The following PIP5K1B variants were observed in gnomAD, a reference collection of about 807,000 sequenced individuals.
PIP5K1B encodes phosphatidylinositol 4-phosphate 5-kinase type-1 beta.
A neutral mutation model predicts 67.0 loss-of-function variants in PIP5K1B; 42 were observed. The observed-to-expected ratio is 0.63, with a 90% CI of 0.49 to 0.81. The LOEUF is 0.81. PIP5K1B is among the 30% of genes least tolerant of loss of function. PIP5K1B has a pLI of 0.00. For missense variants in PIP5K1B, 459 were observed against 646.3 expected, an observed-to-expected ratio of 0.71 and a Z score of 3.14; for synonymous variants, 214 against 231.4, an observed-to-expected ratio of 0.92 and a Z score of 0.68.
chr9:68,966,340 G>T (rs2132788198), intron 14 of PIP5K1B, among the ~76,000 whole-genome samples: 1 of 152,264 alleles, frequency 6.6e-6, no homozygotes, highest in South Asian at 2.1e-4. Context: ...GGAGGTGGGG[G>T]TACCTTTGCA....
chr9:68,999,519 A>G (rs756402231), intron 15 of PIP5K1B, among the ~76,000 whole-genome samples: 1 of 152,248 alleles, frequency 6.6e-6, no homozygotes, highest in Non-Finnish European at 1.5e-5. Flanking sequence ...TGTTGGGGAC[A>G]TAATTTGTGT....
At chr9:68,858,540 G>A (rs747572673) in intron 4 of PIP5K1B, among the ~76,000 whole-genome samples, 2 of 152,174 alleles carry the variant, frequency 1.3e-5, no homozygotes, top group Non-Finnish European at 2.9e-5. Flanking sequence ...TATATCAGGC[G>A]TGGGAGTTGG....
intron 14 of PIP5K1B, among the ~76,000 whole-genome samples, chr9:68,968,064 G>C (rs771226365): frequency 6.6e-6 from 1 of 152,156 alleles, no homozygotes; most frequent in African/African-American, 2.4e-5. Flanking sequence ...CTCAGATCTG[G>C]CTCAGAATTC....
chr9:68,981,607 A>G (rs995355773), intron 14 of PIP5K1B, among the ~76,000 whole-genome samples: 1 of 152,142 alleles, frequency 6.6e-6, no homozygotes, highest in Non-Finnish European at 1.5e-5. Flanking sequence ...AAAGACAAAA[A>G]CTGTGGATAG....
intron 1 of PIP5K1B, among the ~76,000 whole-genome samples, chr9:68,716,487 A>G (rs569057171): frequency 6.6e-6 from 1 of 152,352 alleles, no homozygotes; most frequent in South Asian, 2.1e-4. Context: ...AAAAATGCTT[A>G]TCATCACTAA....
intron 2 of PIP5K1B, among the ~76,000 whole-genome samples, chr9:68,751,907 A>G (rs564784877): frequency 6.6e-6 from 1 of 152,328 alleles, no homozygotes; most frequent in Non-Finnish European, 1.5e-5. Context: ...TTTTCTTAAA[A>G]ATGGATTTCT....
chr9:68,960,236 G>T (rs1331165692), intron 14 of PIP5K1B, among the ~76,000 whole-genome samples: 2 of 152,132 alleles, frequency 1.3e-5, no homozygotes, highest in Non-Finnish European at 2.9e-5. Flanking sequence ...CTAAGTTGCT[G>T]TTCAGAAGTT....
At chr9:68,835,909 C>T (rs1240739388) in intron 4 of PIP5K1B, among the ~76,000 whole-genome samples, 8 of 150,096 alleles carry the variant, frequency 5.3e-5, no homozygotes, top group African/African-American at 1.7e-4. Flanking sequence ...TTTACCATCT[C>T]TCAGTGTCTG....
intron 6 of PIP5K1B, among the ~76,000 whole-genome samples, chr9:68,883,849 C>T (rs1421126934): frequency 6.6e-6 from 1 of 152,088 alleles, no homozygotes; most frequent in Non-Finnish European, 1.5e-5. Context: ...CACACACACA[C>T]ACCCTATAGT....
At chr9:68,847,994 T>C (rs1292146563) in intron 4 of PIP5K1B, among the ~76,000 whole-genome samples, 4 of 152,208 alleles carry the variant, frequency 2.6e-5, no homozygotes, top group Admixed American at 6.5e-5. Flanking sequence ...ATGACAGTTA[T>C]GAGCATGGAC....
chr9:68,711,636 C>A (rs1374744626), intron 1 of PIP5K1B, among the ~76,000 whole-genome samples: 3 of 152,070 alleles, frequency 2.0e-5, no homozygotes, highest in African/African-American at 7.2e-5. Flanking sequence ...ATTAGGCAGT[C>A]TGATAGATGC....
chr9:68,772,690 T>C (rs1830724358), intron 2 of PIP5K1B, among the ~76,000 whole-genome samples: 1 of 152,208 alleles, frequency 6.6e-6, no homozygotes, highest in Admixed American at 6.5e-5. Context: ...CCTGCTTGTA[T>C]ATGAACCTTC....
intron 1 of PIP5K1B, among the ~76,000 whole-genome samples, chr9:68,722,511 G>A (rs917946874): frequency 1.3e-5 from 2 of 151,836 alleles, no homozygotes; most frequent in Admixed American, 6.6e-5. Flanking sequence ...CACCGCACCC[G>A]GCCCTTAACA....
At chr9:68,842,591 C>G (rs375640834) in intron 4 of PIP5K1B, among the ~76,000 whole-genome samples, 4 of 152,312 alleles carry the variant, frequency 2.6e-5, no homozygotes, top group African/African-American at 9.6e-5. Flanking sequence ...GGGAGTTTTG[C>G]ACTTAGACAA....
In PIP5K1B at chr9:68,961,203, C is replaced by T. The variant is rs185318780; in HGVS notation, c.1502+20413C>T. The stretch of plus-strand genomic sequence containing the variant: ...CCGCAGTCCGGCCTGGGCGACAGAG[C>T]GAGACTCCGTCTCAAAAAAAAAAAA... On this transcript the variant is annotated intron_variant, in intron 14 of 15. Coordinates refer to ENST00000265382, the MANE Select transcript of PIP5K1B (RefSeq NM_003558.4). Among the ~76,000 whole-genome samples the T allele has an allele frequency of 1.1e-3, 147 of 139,518 alleles. No homozygotes were observed. In the Middle Eastern group the frequency reaches 0.013, roughly 12 times the overall value. 91.5% of individuals were successfully genotyped at this position (139,518 alleles called of 152,430 possible).
Position 68,935,467 on chromosome 9 carries a change from C to CAAAT in PIP5K1B, c.1357+440_1357+443dup, listed in dbSNP as rs58752849. Among the ~76,000 whole-genome samples the CAAAT allele has an allele frequency of 2.1e-3, 315 of 151,998 alleles. 2 individuals are homozygous for CAAAT. Among genetic ancestry groups the CAAAT allele is most frequent in the African/African-American group, 6.3e-3 (260 of 41,460 alleles). ...TGGGCAACAGAGCAAGACTCTGTCC[C>CAAAT]AAATAAATAAATAAATAAATAGGAT... On this transcript the variant is annotated intron_variant, in intron 13 of 15. Transcript: ENST00000265382.
chr9:68,898,822 G>A lies in PIP5K1B; in HGVS notation c.771+4184G>A, dbSNP rs55990396. On this transcript the variant is annotated intron_variant, in intron 8 of 15. Transcript: ENST00000265382. ...TAGGCACAGCCACTGCTTTTATTGA[G>A]ACCGTGGTTATTCATCACCTGGAGT... Among the ~76,000 whole-genome samples the A allele has an allele frequency of 2.0e-5, 3 of 152,266 alleles. 1 individual carries two copies. Among genetic ancestry groups the A allele is most frequent in the Middle Eastern group, 3.4e-3 (1 of 294 alleles).
chr9:68,785,233 G>C (rs1831543910), intron 2 of PIP5K1B, among the ~76,000 whole-genome samples: 1 of 152,300 alleles, frequency 6.6e-6, no homozygotes, highest in South Asian at 2.1e-4. Flanking sequence ...CTGAGGCATT[G>C]AGGATAAGAG....
chr9:68,840,362 A>G (rs548035916), intron 4 of PIP5K1B, among the ~76,000 whole-genome samples: 17 of 152,100 alleles, frequency 1.1e-4, no homozygotes, highest in African/African-American at 3.6e-4. Context: ...GGGCAACAGG[A>G]ATGAAACTCC....
Sources: gnomAD v4.1 joint callset for allele counts (sites outside exome capture counted in the v4.1 genomes callset) on GRCh38, gnomAD v4.1.1 for gene constraint, MANE v1.5 for transcripts, NCBI Gene and HGNC (gene_info 2026-07-23, HGNC 2026-07-21) for gene names.